The following HIP1 variants were observed in gnomAD, a reference collection of about 807,000 sequenced individuals.
HIP1 encodes huntingtin interacting protein 1.
In HIP1, 65 loss-of-function variants were observed where a neutral mutation model predicts 147.6. The ratio of observed to expected loss-of-function variants is 0.44; its 90% CI spans 0.36 to 0.54. The LOEUF (loss-of-function observed/expected upper bound fraction) is 0.54. Ranked by LOEUF, HIP1 falls within the 20% of genes least tolerant of loss-of-function variation. The pLI, the probability that HIP1 is intolerant of heterozygous loss-of-function variation, is 0.00. For synonymous variants in HIP1, 479 were observed against 504.0 expected (o/e 0.95, Z 0.67); for missense variants, 1,061 against 1,299.6 (o/e 0.82, Z 2.82).
intron 1 of HIP1, among the ~76,000 whole-genome samples, chr7:75,712,933 C>T (rs1801203704): frequency 6.6e-6 from 1 of 152,208 alleles, no homozygotes; most frequent in South Asian, 2.1e-4. Flanking sequence ...CATTCATTCA[C>T]TTACTCAATT....
intron 13 of HIP1, 30 bp from the exon 14 acceptor site, chr7:75,559,945 C>A (rs1213790427): frequency 1.2e-5 from 18 of 1,554,828 alleles, no homozygotes; most frequent in Non-Finnish European, 1.4e-5. Context: ...ATGAGGCCAA[C>A]CGCCCACTGC....
At chr7:75,607,658 G>A (rs1473023531) in intron 1 of HIP1, among the ~76,000 whole-genome samples, 1 of 151,768 alleles carries the variant, frequency 6.6e-6, no homozygotes, top group African/African-American at 2.4e-5. Context: ...GCTGCTGTGA[G>A]CCATGATCAC....
At chr7:75,592,189 G>A (rs985992813) in intron 3 of HIP1, 77 bp from the exon 4 acceptor site, 14 of 1,473,534 alleles carry the variant, frequency 9.5e-6, no homozygotes, top group Middle Eastern at 1.8e-4. Context: ...GGAGAGAGGC[G>A]GAGGTGAACC....
In HIP1 at chr7:75,551,215, T is replaced by TTTTTTTTTTG. The variant is rs1794770851; in HGVS notation, c.2296-2215_2296-2214insCAAAAAAAAA. Among the ~76,000 whole-genome samples, 3 of 134,200 alleles carry TTTTTTTTTTG rather than the reference T, an allele frequency of 2.2e-5. 1 individual carries two copies. The highest frequency in any genetic ancestry group is 3.2e-5 in the Non-Finnish European group (2 of 61,750). 88.0% of individuals were successfully genotyped at this position (134,200 alleles called of 152,430 possible). A position where few individuals can be genotyped will look rare whatever the true frequency, so the allele number is the denominator to read the frequency against. ...TTTTTTTTTTTTTTTTTTTTTTTTT[T>TTTTTTTTTTG]GAGGCAGTGTCTCACTCTGTCGCCC... On this transcript the variant is annotated intron_variant, in intron 22 of 30. Coordinates refer to ENST00000336926, the MANE Select transcript of HIP1 (RefSeq NM_005338.7).
At chr7:75,672,258 CA>C (rs1348210344) in intron 1 of HIP1, among the ~76,000 whole-genome samples, 12 of 151,110 alleles carry the variant, frequency 7.9e-5, no homozygotes, top group African/African-American at 2.9e-4. Context: ...TTCTGGGTAT[CA>C]ATTCCTTATC....
intron 1 of HIP1, among the ~76,000 whole-genome samples, chr7:75,599,698 C>T (rs1796900085): frequency 6.6e-6 from 1 of 152,186 alleles, no homozygotes; most frequent in Non-Finnish European, 1.5e-5. Flanking sequence ...TCCGGCTGGC[C>T]AGCACCGGCG....
At chr7:75,581,560 C>T (rs942392636) in intron 6 of HIP1, among the ~76,000 whole-genome samples, 1 of 152,196 alleles carries the variant, frequency 6.6e-6, no homozygotes, top group Non-Finnish European at 1.5e-5. Context: ...GGGCGGATCA[C>T]CTGAGGTCAG....
At chr7:75,720,058 A>AAGACGATAG (rs1405735508) in intron 1 of HIP1, among the ~76,000 whole-genome samples, 1 of 152,312 alleles carries the variant, frequency 6.6e-6, no homozygotes, top group Admixed American at 6.5e-5. Context: ...AAGCTGGTGG[A>AAGACGATAG]AGACGATAGA....
intron 4 of HIP1, among the ~76,000 whole-genome samples, chr7:75,587,736 G>A (rs1796338105): frequency 6.6e-6 from 1 of 152,132 alleles, no homozygotes; most frequent in African/African-American, 2.4e-5. Flanking sequence ...GGCCGAGGAG[G>A]GAGGATTGCT....
At chr7:75,607,947 T>C (rs782478227) in intron 1 of HIP1, among the ~76,000 whole-genome samples, 16 of 152,128 alleles carry the variant, frequency 1.1e-4, no homozygotes, top group Non-Finnish European at 2.2e-4. Context: ...AAGGAAATTT[T>C]CTATACTTAG....
rs587736096 is a variant in HIP1 at position 75,582,216 on chromosome 7, G to A, written c.466-65C>T. On this transcript the variant is annotated intron_variant, in intron 5 of 30. Transcript: ENST00000336926. The stretch of plus-strand genomic sequence containing the variant: ...ATGAAGAGCCCTCTCTCAGCCGGGC[G>A]TGGTGGCACACGCCTGTGGTCCCAG... The A allele has an allele frequency of 5.8e-5, 76 of 1,307,828 alleles. 1 individual carries two copies. The highest frequency in any genetic ancestry group is 5.6e-4 in the East Asian group (24 of 43,030). 81.0% of individuals were successfully genotyped at this position (1,307,828 alleles called of 1,614,324 possible). A position where few individuals can be genotyped will look rare whatever the true frequency, so the allele number is the denominator to read the frequency against.
chr7:75,635,944 A>G (rs1798410236), intron 1 of HIP1, among the ~76,000 whole-genome samples: 1 of 149,968 alleles, frequency 6.7e-6, no homozygotes, highest in South Asian at 2.1e-4. Context: ...GGATCACTTG[A>G]ACCTGGAAGG....
At chr7:75,539,580 A>C (rs1167836) in intron 29 of HIP1, 149 bp from the exon 30 acceptor site, 1 of 593,270 alleles carries the variant, frequency 1.7e-6, no homozygotes, top group East Asian at 2.9e-5. Context: ...TTGGCCTCCC[A>C]AAGTGCTGAG....
At chr7:75,652,596 C>T (rs782791534) in intron 1 of HIP1, among the ~76,000 whole-genome samples, 1 of 151,936 alleles carries the variant, frequency 6.6e-6, no homozygotes, top group Non-Finnish European at 1.5e-5. Context: ...AACTCCTGGG[C>T]TCAAGCAATC....
At position 75,533,377 on chromosome 7, in the gene HIP1, A is replaced by G. The variant is rs1793974362; in HGVS notation, c.*4795T>C. 4.4e-6 allele frequency: 1 copy of G among 227,074 alleles called. No individual in the cohort carries two copies. Among genetic ancestry groups the G allele is most frequent in the Non-Finnish European group, 8.8e-6 (1 of 114,226 alleles). 14.1% of individuals were successfully genotyped at this position (227,074 alleles called of 1,614,324 possible). A position where few individuals can be genotyped will look rare whatever the true frequency, so the allele number is the denominator to read the frequency against. On this transcript the variant is annotated 3_prime_UTR_variant, in exon 31 of 31. Coordinates refer to ENST00000336926, the MANE Select transcript of HIP1 (RefSeq NM_005338.7). ...TACAAAGAAAGGTCTTAATACCATA[A>G]TAAAAGTATTGTTGGAGGGAAACAG...
At chr7:75,639,101 G>A in intron 1 of HIP1, 6 of 984,712 alleles carry the variant, frequency 6.1e-6, no homozygotes, top group Non-Finnish European at 7.2e-6. Flanking sequence ...CCCACCCCTG[G>A]AGATCCCGCT....
Position 75,537,767 on chromosome 7 carries a change from T to C in HIP1, c.*405A>G. On this transcript the variant is annotated 3_prime_UTR_variant, in exon 31 of 31. Transcript: ENST00000336926. ...AAAACAGAAAAGAAAAGGCATAAGA[T>C]CTTCCCTTTCCAAGCTGTCAACAAA... 7.4e-6 allele frequency: 2 copies of C among 272,002 alleles called. No individual in the cohort carries two copies. The highest frequency in any genetic ancestry group is 1.1e-4 in the East Asian group (2 of 18,014). The allele number at this position is 272,002 out of a possible 1,614,324, so 16.8% of individuals were successfully genotyped here. A position where few individuals can be genotyped will look rare whatever the true frequency, so the allele number is the denominator to read the frequency against.
intron 1 of HIP1, among the ~76,000 whole-genome samples, chr7:75,675,004 A>G (rs1799849103): frequency 6.6e-6 from 1 of 151,892 alleles, no homozygotes. Context: ...CATAATTTCA[A>G]GTCATTATTT....
intron 1 of HIP1, among the ~76,000 whole-genome samples, chr7:75,639,849 G>A (rs1798589732): frequency 1.3e-5 from 2 of 152,092 alleles, no homozygotes; most frequent in Admixed American, 6.6e-5. Flanking sequence ...AATGAGACTG[G>A]GGTCTCCAAA....
Sources: allele counts gnomAD v4.1 joint callset (sites outside exome capture counted in the v4.1 genomes callset), GRCh38; gene constraint gnomAD v4.1.1; transcripts MANE v1.5; gene names NCBI Gene and HGNC (gene_info 2026-07-23, HGNC 2026-07-21).